The following CYFIP1 variants were observed in gnomAD, a reference collection of about 807,000 sequenced individuals.
CYFIP1 encodes the protein cytoplasmic FMR1 interacting protein 1, also known as cytoplasmic FMR1-interacting protein 1.
Under a neutral mutation model 163.5 loss-of-function variants are expected in CYFIP1, and 58 were observed. The observed-to-expected ratio is 0.35, with a 90% confidence interval of 0.29 to 0.44. The LOEUF (loss-of-function observed/expected upper bound fraction) is 0.44. CYFIP1 is among the 20% of genes least tolerant of loss of function. CYFIP1 has a pLI of 1.00. For missense variants in CYFIP1, 1,338 were observed against 1,653.8 expected (o/e 0.81, Z 3.31); for synonymous variants, 663 against 660.7 (o/e 1.00, Z -0.05).
intron 11 of CYFIP1, among the ~76,000 whole-genome samples, chr15:22,929,435 C>T (rs1216524444): frequency 6.6e-6 from 1 of 151,920 alleles, no homozygotes; most frequent in Non-Finnish European, 1.5e-5. Flanking sequence ...AGATGGAGAT[C>T]ATCCTGGCCA....
At chr15:22,878,772 G>A (rs1402613332) in intron 26 of CYFIP1, among the ~76,000 whole-genome samples, 1 of 151,092 alleles carries the variant, frequency 6.6e-6, no homozygotes, top group Non-Finnish European at 1.5e-5. Flanking sequence ...GAAAAGGTAA[G>A]CCACAAATGG....
At chr15:22,906,211 A>ACAC (rs2060575403) in intron 21 of CYFIP1, among the ~76,000 whole-genome samples, 1 of 151,022 alleles carries the variant, frequency 6.6e-6, no homozygotes, top group Non-Finnish European at 1.5e-5. Flanking sequence ...GGTTCAAGCA[A>ACAC]TTCTCCTGCC....
At chr15:22,875,398 T>C in intron 26 of CYFIP1, 127 bp from the exon 27 acceptor site, 1 of 816,072 alleles carries the variant, frequency 1.2e-6, no homozygotes, top group East Asian at 2.5e-5. Context: ...TTTATCTCTG[T>C]CAAGAGATTT....
chr15:22,945,649 C>CT (rs2062033500), intron 3 of CYFIP1, among the ~76,000 whole-genome samples: 1 of 151,614 alleles, frequency 6.6e-6, no homozygotes, highest in African/African-American at 2.4e-5. Context: ...TCTCAGCTCA[C>CT]TGCAACCTCT....
intron 1 of CYFIP1, among the ~76,000 whole-genome samples, chr15:22,979,827 G>A (rs1036063459): frequency 6.6e-6 from 1 of 152,128 alleles, no homozygotes; most frequent in African/African-American, 2.4e-5. Flanking sequence ...AACAAAAACG[G>A]GTTCAGATCT....
Position 22,931,563 on chromosome 15 carries a change from C to T in CYFIP1, c.1110+660G>A, listed in dbSNP as rs142158297. Among the ~76,000 whole-genome samples the T allele has an allele frequency of 2.6e-5, 4 of 151,800 alleles. No homozygotes were observed. The East Asian group carries it at 7.8e-4, about 30-fold the overall frequency. On this transcript the variant is annotated intron_variant, in intron 11 of 30. Coordinates refer to ENST00000617928, the MANE Select transcript of CYFIP1 (RefSeq NM_014608.6). ...AATCACCCTTTCCTTTCCCAGTGTC[C>T]TCCCTTCTCTCCAACCATCTTTCGA... is the stretch of plus-strand genomic sequence containing the variant.
At chr15:22,892,789 G>A (rs1189399014) in intron 23 of CYFIP1, 101 bp downstream of exon 23, 12 of 803,608 alleles carry the variant, frequency 1.5e-5, no homozygotes, top group Middle Eastern at 2.3e-4. Flanking sequence ...TATACACAGC[G>A]TGATACATTT....
chr15:22,925,901 G>A, intron 13 of CYFIP1, 81 bp downstream of exon 13: 1 of 1,572,796 alleles, frequency 6.4e-7, no homozygotes, highest in South Asian at 1.2e-5. Context: ...AGGCAGTTTT[G>A]TTCATGTTTT....
chr15:22,903,202 A>G, intron 22 of CYFIP1, among the ~76,000 whole-genome samples: 1 of 152,242 alleles, frequency 6.6e-6, no homozygotes, highest in South Asian at 2.1e-4. Context: ...ATAGATGCTG[A>G]GCTCAGTGAG....
At chr15:22,932,740 A>G (rs2061578540) in intron 10 of CYFIP1, among the ~76,000 whole-genome samples, 1 of 152,112 alleles carries the variant, frequency 6.6e-6, no homozygotes, top group African/African-American at 2.4e-5. Flanking sequence ...TGTGCTGAGG[A>G]TCTTTATAGT....
rs149205451 is a variant in CYFIP1, at chr15:22,926,006, G to A, written c.1335C>T (p.Ser445=). The part of the protein sequence containing the change: ...YERATRYNYT[S]EEKFALVEVI... ...CCTCCACTAGGGCAAACTTCTCCTC[G>A]CTGGTGTAGTTGTAGCGCGTGGCAC... Residue 445 remains serine (S), a synonymous_variant, in exon 13 of 31, where the codon AGC becomes AGT. Transcript: ENST00000617928. 114 of 1,613,958 alleles carry A rather than the reference G, an allele frequency of 7.1e-5. No individual in the cohort carries two copies. In the African/African-American group the frequency reaches 9.5e-4, roughly 13 times the overall value.
In CYFIP1 at chr15:22,914,823, G is replaced by C; in HGVS notation, c.1888C>G (p.Leu630Val). Residue 630 changes from leucine (L) to valine (V), a missense_variant, in exon 17 of 31, where the codon CTG becomes GTG. Around this residue, in one of 4 missense-constraint regions of CYFIP1, gnomAD observed 824 missense variants for 995.7 expected, o/e 0.83. Coordinates refer to ENST00000617928, the MANE Select transcript of CYFIP1 (RefSeq NM_014608.6). ...QLWFREFFLE[L>V]TMGRRIQFPI... ...AACTGGATCCTCCTGCCCATGGTCA[G>C]CTCCAGGAAGAACTCTCGGAACCAC... The C allele has an allele frequency of 1.2e-6, 2 of 1,613,630 alleles. No individual in the cohort carries two copies. Among genetic ancestry groups the C allele is most frequent in the Non-Finnish European group, 1.7e-6 (2 of 1,179,810 alleles).
At chr15:22,955,552 C>CCCAACCCCTCT in intron 1 of CYFIP1, among the ~76,000 whole-genome samples, 1 of 20,738 alleles carries the variant, frequency 4.8e-5, no homozygotes, top group East Asian at 5.2e-3. Context: ...GGGTCAAGGA[C>CCCAACCCCTCT]CCTGCTGGCC....
At chr15:22,900,031 G>A (rs1011059353) in intron 22 of CYFIP1, among the ~76,000 whole-genome samples, 80 of 152,228 alleles carry the variant, frequency 5.3e-4, no homozygotes, top group African/African-American at 1.8e-3. Context: ...GTGGCAGAAC[G>A]AGACTCCGTC....
intron 1 of CYFIP1, chr15:22,948,107 C>T (rs910811840): frequency 6.4e-6 from 3 of 467,450 alleles, no homozygotes; most frequent in Middle Eastern, 1.0e-3. Context: ...CCAGCACTGG[C>T]GCAGGCATGG....
chr15:22,917,237 TA>T lies in CYFIP1; in HGVS notation c.1674+550del. ...TTTCCAGAAGAGTGGCAGAAGAGAT[TA>T]AAAGCCTCCGGCAGAGATGAGGGAG... On this transcript the variant is annotated intron_variant, in intron 15 of 30. Coordinates refer to ENST00000617928, the MANE Select transcript of CYFIP1 (RefSeq NM_014608.6). This position sits in a 1 kb window ranked among gnomAD's most constrained non-coding sequence, Gnocchi z 4.2. 7.1e-7 allele frequency: 1 copy of T among 1,400,822 alleles called. No homozygotes were observed. 86.8% of individuals were successfully genotyped at this position (1,400,822 alleles called of 1,614,324 possible).
intron 1 of CYFIP1, among the ~76,000 whole-genome samples, chr15:22,976,679 C>T (rs563111901): frequency 8.1e-5 from 12 of 147,762 alleles, no homozygotes; most frequent in Non-Finnish European, 1.5e-4. Flanking sequence ...TGTTGGTAAT[C>T]TCTTACTGCG....
In CYFIP1 at chr15:22,878,672, A is replaced by AT. The variant is rs562390937; in HGVS notation, c.3042+1240dup. ...TGAAAGTTCCATGTGCAGATGGTAG[A>AT]TTAAAAAAAAAAAAAAGTGCTAATC... On this transcript the variant is annotated intron_variant, in intron 26 of 30. Coordinates refer to ENST00000617928, the MANE Select transcript of CYFIP1 (RefSeq NM_014608.6). 3.4e-4 allele frequency among the ~76,000 whole-genome samples: 50 copies of AT among 145,878 alleles called. 3 individuals are homozygous for AT. The South Asian group carries it at 9.4e-3, about 28-fold the overall frequency.
At chr15:22,911,733 G>T (rs1180020780) in intron 18 of CYFIP1, among the ~76,000 whole-genome samples, 1 of 152,178 alleles carries the variant, frequency 6.6e-6, no homozygotes, top group East Asian at 1.9e-4. Context: ...GAAGGCAGAG[G>T]AGATGATGTG....
Sources: allele counts gnomAD v4.1 joint callset (sites outside exome capture counted in the v4.1 genomes callset), GRCh38; gene constraint gnomAD v4.1.1; regional missense constraint gnomAD v4.1.1; non-coding constraint Gnocchi (gnomAD v3.1); transcripts MANE v1.5; gene names NCBI Gene and HGNC (gene_info 2026-07-23, HGNC 2026-07-21).